The following METTL22 variants were observed in gnomAD, a reference collection of about 807,000 sequenced individuals.
METTL22 encodes the protein methyltransferase 22, Kin17 lysine, also known as methyltransferase-like protein 22.
In METTL22, 51 loss-of-function variants were observed where a neutral mutation model predicts 48.4. That is an observed-to-expected ratio of 1.05 (90% CI 0.84 to 1.33). The LOEUF is 1.33. METTL22 is among the 40% of genes most tolerant of loss of function. The pLI is 0.00. For synonymous variants in METTL22, 255 were observed against 214.1 expected (o/e 1.19, Z -1.67); for missense variants, 678 against 526.9 (o/e 1.29, Z -2.81).
intron 6 of METTL22, among the ~76,000 whole-genome samples, chr16:8,640,242 G>A (rs577819864): frequency 6.6e-6 from 1 of 152,264 alleles, no homozygotes; most frequent in African/African-American, 2.4e-5. Context: ...AGGATGGAGG[G>A]AGCATGCTGG....
chr16:8,626,082 A>T (rs928332345), intron 2 of METTL22, among the ~76,000 whole-genome samples: 8 of 151,804 alleles, frequency 5.3e-5, no homozygotes. Context: ...CTGCAGCCTC[A>T]AACTCCTGGA....
intron 3 of METTL22, among the ~76,000 whole-genome samples, chr16:8,629,805 G>A (rs1596338236): frequency 6.6e-6 from 1 of 152,296 alleles, no homozygotes; most frequent in Admixed American, 6.5e-5. Flanking sequence ...AACACCGGGA[G>A]CAGTAGGGAG....
chr16:8,642,610 G>A, intron 9 of METTL22, 45 bp downstream of exon 9: 1 of 1,560,280 alleles, frequency 6.4e-7, no homozygotes, highest in Non-Finnish European at 8.8e-7. Flanking sequence ...CCGAGTGTCA[G>A]CGGAACTCTC....
chr16:8,639,516 T>G (rs2056527429), intron 6 of METTL22: 1 of 274,868 alleles, frequency 3.6e-6, no homozygotes, highest in Admixed American at 4.5e-5. Flanking sequence ...CCACTTCACT[T>G]GCTGCTGAAA....
chr16:8,654,849 G>A, the METTL22 span, among the ~76,000 whole-genome samples: 3 of 152,148 alleles, frequency 2.0e-5, no homozygotes, highest in African/African-American at 7.2e-5. Flanking sequence ...CAGACCCAGG[G>A]GAGTGTGGCC....
chr16:8,662,987 C>A, the METTL22 span, among the ~76,000 whole-genome samples: 1 of 139,442 alleles, frequency 7.2e-6, no homozygotes, highest in Non-Finnish European at 1.6e-5. Context: ...GCGGGTGGAT[C>A]ACCTGAGGTC....
chr16:8,651,961 A>G (rs963667934), downstream of METTL22, among the ~76,000 whole-genome samples: 5 of 152,198 alleles, frequency 3.3e-5, no homozygotes, highest in Non-Finnish European at 7.3e-5. Flanking sequence ...GCAAACCACC[A>G]TGGCACACAT....
the METTL22 span, among the ~76,000 whole-genome samples, chr16:8,658,269 C>A: frequency 6.6e-6 from 1 of 152,196 alleles, no homozygotes; most frequent in African/African-American, 2.4e-5. Context: ...CCCCTTGAGC[C>A]TTTGGAGGCG....
the METTL22 span, chr16:8,666,624 A>G: frequency 6.6e-6 from 1 of 152,160 alleles, no homozygotes; most frequent in Non-Finnish European, 1.5e-5. Context: ...CATTTTACAG[A>G]TGGGACTGAG....
chr16:8,633,843 T>A, intron 3 of METTL22, among the ~76,000 whole-genome samples: 1 of 152,240 alleles, frequency 6.6e-6, no homozygotes, highest in Admixed American at 6.5e-5. Context: ...TGCTGAACCT[T>A]AGTCAGTGTC....
At chr16:8,656,408 GAGTAGACCTC>G in the METTL22 span, among the ~76,000 whole-genome samples, 1 of 152,216 alleles carries the variant, frequency 6.6e-6, no homozygotes, top group Non-Finnish European at 1.5e-5. Flanking sequence ...AGACCTGCGT[GAGTAGACCTC>G]AGGCACCAAC....
chr16:8,624,947 T>G (rs1365147752), intron 1 of METTL22, among the ~76,000 whole-genome samples: 1 of 151,988 alleles, frequency 6.6e-6, no homozygotes, highest in Non-Finnish European at 1.5e-5. Flanking sequence ...TAACAGCTTC[T>G]AGAATAAAAA....
chr16:8,642,240 T>TACAACAAAGGA (rs1567243456), intron 8 of METTL22, 33 bp downstream of exon 8: 5 of 1,572,682 alleles, frequency 3.2e-6, no homozygotes, highest in Middle Eastern at 1.7e-4. Flanking sequence ...GTACACGTCC[T>TACAACAAAGGA]TTGTTGTAGC....
chr16:8,640,624 G>C (rs200783950), intron 6 of METTL22, among the ~76,000 whole-genome samples: 1 of 17,958 alleles, frequency 5.6e-5, no homozygotes, highest in Non-Finnish European at 1.2e-4. Context: ...ATGGATGGAT[G>C]GATGGAAAGA....
At chr16:8,635,591 C>A (rs912829389) in intron 5 of METTL22, among the ~76,000 whole-genome samples, 1 of 152,208 alleles carries the variant, frequency 6.6e-6, no homozygotes, top group Non-Finnish European at 1.5e-5. Flanking sequence ...CTCCCCACTC[C>A]TGAGAAAGAG....
At chr16:8,665,765 A>G in the METTL22 span, among the ~76,000 whole-genome samples, 5 of 152,200 alleles carry the variant, frequency 3.3e-5, no homozygotes, top group African/African-American at 1.2e-4. Context: ...CTTCTCCCCA[A>G]GGAGCTTCCT....
intron 5 of METTL22, among the ~76,000 whole-genome samples, chr16:8,636,785 T>TA (rs1470953914): frequency 6.6e-6 from 1 of 152,242 alleles, no homozygotes; most frequent in African/African-American, 2.4e-5. Flanking sequence ...CGTTGTCTAA[T>TA]AACGTGTCAC....
chr16:8,655,960 A>G, the METTL22 span, among the ~76,000 whole-genome samples: 1 of 152,194 alleles, frequency 6.6e-6, no homozygotes, highest in Non-Finnish European at 1.5e-5. Flanking sequence ...GTTCTTGAAG[A>G]CTCACCACCA....
Position 8,628,945 on chromosome 16 carries a change from G to A in METTL22, c.349G>A (p.Asp117Asn). ...CCAGGAAGTGGCTGAAGCTCAGCTG[G>A]ATGAGGATGGGGATTTGGACGTGGT... ...TGQEVAEAQLDEDGDLDVVRR... is the reference protein window; with the variant it reads ...TGQEVAEAQLNEDGDLDVVRR... Residue 117 changes from aspartate (D) to asparagine (N), a missense_variant, in exon 3 of 11, where the codon GAT (aspartate) becomes AAT (asparagine). Coordinates refer to ENST00000381920, the MANE Select transcript of METTL22 (RefSeq NM_024109.4). 1.9e-6 allele frequency: 3 copies of A among 1,614,168 alleles called. No individual in the cohort carries two copies. Among genetic ancestry groups the A allele is most frequent in the Non-Finnish European group, 2.5e-6 (3 of 1,180,040 alleles).
Sources: allele counts gnomAD v4.1 joint callset (sites outside exome capture counted in the v4.1 genomes callset), GRCh38; gene constraint gnomAD v4.1.1; transcripts MANE v1.5; gene names NCBI Gene and HGNC (gene_info 2026-07-23, HGNC 2026-07-21).